BRD10: variants seen among roughly 807,000 people sequenced by gnomAD.
BRD10 encodes uncharacterized bromodomain-containing protein 10.
chr9:5,979,108 T>G, the BRD10 span, among the ~76,000 whole-genome samples: 5 of 152,260 alleles, frequency 3.3e-5, no homozygotes, highest in Non-Finnish European at 1.5e-5. Flanking sequence ...TCATAGTATT[T>G]ATTTTACAAA....
chr9:6,006,509 A>T, the BRD10 span, among the ~76,000 whole-genome samples: 1 of 152,248 alleles, frequency 6.6e-6, no homozygotes, highest in Non-Finnish European at 1.5e-5. Flanking sequence ...ATAATTGGAT[A>T]TATGGGTGGC....
At chr9:5,999,569 A>G in the BRD10 span, among the ~76,000 whole-genome samples, 1 of 152,094 alleles carries the variant, frequency 6.6e-6, no homozygotes, top group Non-Finnish European at 1.5e-5. Flanking sequence ...CAACTCCCGA[A>G]TATTAGCACA....
the BRD10 span, among the ~76,000 whole-genome samples, chr9:5,934,116 AAG>A: frequency 6.6e-6 from 1 of 152,190 alleles, no homozygotes; most frequent in Admixed American, 6.5e-5. Flanking sequence ...AAAATATACA[AAG>A]AATGCTTTTT....
the BRD10 span, among the ~76,000 whole-genome samples, chr9:5,915,894 A>ATGC: frequency 3.3e-5 from 5 of 152,216 alleles, no homozygotes; most frequent in Non-Finnish European, 7.3e-5. Context: ...TTACTTTAAG[A>ATGC]ATGTTTTACA....
the BRD10 span, among the ~76,000 whole-genome samples, chr9:5,991,745 A>G: frequency 7.0e-6 from 1 of 142,546 alleles, no homozygotes; most frequent in African/African-American, 2.7e-5. Context: ...AAAAAAAAAA[A>G]GGCAAATCAG....
chr9:5,929,778 C>T, the BRD10 span, among the ~76,000 whole-genome samples: 2 of 152,066 alleles, frequency 1.3e-5, no homozygotes, highest in African/African-American at 2.4e-5. Flanking sequence ...CTAGAGAGAG[C>T]TCTAGCATTT....
At chr9:5,921,731 G>A in the BRD10 span, 2 of 1,613,948 alleles carry the variant, frequency 1.2e-6, no homozygotes, top group Non-Finnish European at 1.7e-6. Flanking sequence ...AAAATTTGCT[G>A]CTGATATGCT....
the BRD10 span, among the ~76,000 whole-genome samples, chr9:5,990,872 T>C: frequency 6.6e-6 from 1 of 152,204 alleles, no homozygotes; most frequent in African/African-American, 2.4e-5. Flanking sequence ...CCCACCATGC[T>C]TCTCGGAATT....
the BRD10 span, among the ~76,000 whole-genome samples, chr9:5,895,454 G>T: frequency 1.3e-5 from 2 of 151,870 alleles, no homozygotes; most frequent in African/African-American, 4.8e-5. Flanking sequence ...TTAAAACAAT[G>T]CATCCCTAAG....
the BRD10 span, chr9:5,898,058 AT>A: frequency 0.012 from 1,860 of 159,154 alleles, no homozygotes; most frequent in South Asian, 0.034. Context: ...AGCTGAACTC[AT>A]TTTTTTTTTT....
chr9:5,979,391 T>C, the BRD10 span, among the ~76,000 whole-genome samples: 4 of 152,130 alleles, frequency 2.6e-5, no homozygotes, highest in Non-Finnish European at 4.4e-5. Flanking sequence ...GTCATGCCTG[T>C]AATCCCAGCT....
the BRD10 span, among the ~76,000 whole-genome samples, chr9:5,939,632 A>C: frequency 6.6e-6 from 1 of 152,268 alleles, no homozygotes; most frequent in African/African-American, 2.4e-5. Context: ...CCTAACTTTC[A>C]AAACATCAAC....
At chr9:6,008,401 G>C in the BRD10 span, 1 of 640,282 alleles carries the variant, frequency 1.6e-6, no homozygotes. Flanking sequence ...AGAAGGGGGA[G>C]GGCACTCAGC....
the BRD10 span, among the ~76,000 whole-genome samples, chr9:5,947,755 G>A: frequency 6.6e-6 from 1 of 151,960 alleles, no homozygotes; most frequent in Admixed American, 6.6e-5. Context: ...AGGCATATAT[G>A]TGGCCATTAC....
At chr9:5,902,369 T>A in the BRD10 span, among the ~76,000 whole-genome samples, 5 of 152,226 alleles carry the variant, frequency 3.3e-5, no homozygotes, top group Admixed American at 1.3e-4. Context: ...TTTTATTTCT[T>A]AGCCTAGCTA....
chr9:5,886,471 C>T, the BRD10 span, among the ~76,000 whole-genome samples: 7 of 152,324 alleles, frequency 4.6e-5, no homozygotes, highest in African/African-American at 1.7e-4. Context: ...TCACCATGAA[C>T]CTATGAAGCA....
At chr9:5,945,607 T>C in the BRD10 span, among the ~76,000 whole-genome samples, 1 of 152,050 alleles carries the variant, frequency 6.6e-6, no homozygotes, top group African/African-American at 2.4e-5. Context: ...CATTGGCAAA[T>C]GGCCAAAATA....
the BRD10 span, among the ~76,000 whole-genome samples, chr9:5,948,637 A>G: frequency 2.6e-5 from 4 of 152,290 alleles, no homozygotes; most frequent in Admixed American, 1.3e-4. Context: ...TGCTCCAAAA[A>G]AGGACATAAG....
At chr9:5,995,494 A>G in the BRD10 span, among the ~76,000 whole-genome samples, 1 of 152,234 alleles carries the variant, frequency 6.6e-6, no homozygotes, top group East Asian at 1.9e-4. Context: ...GCTTTAGCAT[A>G]TAAACAAGTC....
Sources: allele counts gnomAD v4.1 joint callset (sites outside exome capture counted in the v4.1 genomes callset), GRCh38; gene constraint gnomAD v4.1.1; transcripts MANE v1.5; gene names NCBI Gene and HGNC (gene_info 2026-07-23, HGNC 2026-07-21).